The following EYS variants were observed in gnomAD, a reference collection of about 807,000 sequenced individuals.
EYS encodes the protein protein eyes shut homolog.
Under a neutral mutation model 282.1 loss-of-function variants are expected in EYS, and 250 were observed. That is an observed-to-expected ratio of 0.89 (90% confidence interval 0.80 to 0.98). The LOEUF (loss-of-function observed/expected upper bound fraction) is 0.98, where lower values mean the gene tolerates loss of function less well. Among genes scored for constraint, EYS ranks in the 50% least tolerant of loss-of-function variants. The probability of loss-of-function intolerance (pLI) is 0.00; values close to 1 mark genes in which losing one functional copy is unlikely to be tolerated. For synonymous variants in EYS, 1,355 were observed against 1,282.9 expected, an observed-to-expected ratio of 1.06 and a Z score of -1.20; for missense variants, 4,016 against 3,709.0, an observed-to-expected ratio of 1.08 and a Z score of -2.15.
At chr6:64,766,491 G>T (rs1373140856) in intron 22 of EYS, among the ~76,000 whole-genome samples, 4 of 147,806 alleles carry the variant, frequency 2.7e-5, no homozygotes, top group Non-Finnish European at 6.0e-5. Context: ...AATTAGATGG[G>T]CATGGTTGTG....
intron 30 of EYS, among the ~76,000 whole-genome samples, chr6:64,280,325 A>T (rs2150361286): frequency 6.6e-6 from 1 of 152,304 alleles, no homozygotes; most frequent in Non-Finnish European, 1.5e-5. Context: ...GACTGCAGGC[A>T]GGTGACTTAA....
intron 35 of EYS, among the ~76,000 whole-genome samples, chr6:63,965,576 C>T (rs765640121): frequency 6.6e-6 from 1 of 152,102 alleles, no homozygotes; most frequent in Non-Finnish European, 1.5e-5. Context: ...TGTAACAGGT[C>T]TGCATGAAAA....
At chr6:63,746,781 A>G (rs1257357013) in intron 41 of EYS, among the ~76,000 whole-genome samples, 3 of 151,972 alleles carry the variant, frequency 2.0e-5, no homozygotes, top group Non-Finnish European at 4.4e-5. Flanking sequence ...TATCCCCTTT[A>G]TCATTTTTTA....
chr6:64,304,103 C>T (rs1769347548), intron 30 of EYS, among the ~76,000 whole-genome samples: 1 of 152,100 alleles, frequency 6.6e-6, no homozygotes, highest in Non-Finnish European at 1.5e-5. Flanking sequence ...TTAATCTGCA[C>T]TAAATAAACG....
intron 22 of EYS, among the ~76,000 whole-genome samples, chr6:64,644,366 C>T (rs1768279489): frequency 1.3e-5 from 2 of 151,862 alleles, no homozygotes; most frequent in African/African-American, 4.8e-5. Context: ...TTTTTGTCAT[C>T]TTAGGATTTA....
chr6:64,058,386 T>G (rs1771055927), intron 33 of EYS, among the ~76,000 whole-genome samples: 1 of 152,184 alleles, frequency 6.6e-6, no homozygotes, highest in South Asian at 2.1e-4. Context: ...AGAATAGGCT[T>G]CAAAAAGTTT....
intron 12 of EYS, among the ~76,000 whole-genome samples, chr6:65,209,895 A>T (rs9453226): frequency 0.016 from 2,358 of 152,022 alleles, 45 homozygotes; most frequent in African/African-American, 0.049. Context: ...CCCAGGTGGG[A>T]AATAGGTTGA....
chr6:65,295,782 T>C, intron 12 of EYS, 81 bp downstream of exon 12: 1 of 1,162,384 alleles, frequency 8.6e-7, no homozygotes, highest in Non-Finnish European at 1.2e-6. Flanking sequence ...ACATTTGAGA[T>C]ATATTTGAGA....
intron 35 of EYS, among the ~76,000 whole-genome samples, chr6:63,938,250 C>G (rs964285048): frequency 3.9e-5 from 6 of 152,066 alleles, no homozygotes; most frequent in African/African-American, 1.4e-4. Flanking sequence ...TGATACAGAC[C>G]CAACCACAGT....
In EYS at chr6:63,789,135, T is replaced by C. The variant is rs1220416565; in HGVS notation, c.7501A>G (p.Arg2501Gly). 2.6e-6 allele frequency: 4 copies of C among 1,551,738 alleles called. No homozygotes were observed. The Admixed American group carries it at 7.8e-5, about 30-fold the overall frequency. ...AGGCTCAGATTGAGGGGCTCGCTCC[T>C]GATGCTTGCTATGCCAGACCCCAGG... is the stretch of plus-strand genomic sequence containing the variant. ...YNLGSGIASI[R>G]SEPLNLSLGV... Residue 2501 changes from arginine (R) to glycine (G), a missense_variant, in exon 38 of 43, where the codon AGG becomes GGG. Physicochemically the swap from Arg to Gly is moderately radical, Grantham distance 125. Transcript: ENST00000503581.
chr6:64,203,206 C>T (rs1765515238), intron 31 of EYS, among the ~76,000 whole-genome samples: 1 of 152,122 alleles, frequency 6.6e-6, no homozygotes, highest in Non-Finnish European at 1.5e-5. Context: ...GGTAGCAATC[C>T]ATGACTGGAA....
chr6:65,572,187 T>C (rs1350100735), intron 2 of EYS, among the ~76,000 whole-genome samples: 4 of 152,120 alleles, frequency 2.6e-5, no homozygotes, highest in Non-Finnish European at 4.4e-5. Flanking sequence ...TGGAAAATTA[T>C]AGACTCTTCA....
chr6:63,853,239 G>A (rs757248149), intron 36 of EYS, among the ~76,000 whole-genome samples: 47 of 152,060 alleles, frequency 3.1e-4, no homozygotes, highest in Admixed American at 1.4e-3. Context: ...AAACCCCATC[G>A]TCTCAGTCCA....
At chr6:64,303,746 C>A (rs559105893) in intron 30 of EYS, among the ~76,000 whole-genome samples, 2 of 146,262 alleles carry the variant, frequency 1.4e-5, no homozygotes, top group South Asian at 4.5e-4. Context: ...GAGGCTGAGG[C>A]AGGAGAATGG....
At chr6:64,870,427 C>CCA (rs760102240) in intron 19 of EYS, among the ~76,000 whole-genome samples, 1 of 112,052 alleles carries the variant, frequency 8.9e-6, no homozygotes, top group African/African-American at 3.3e-5. Flanking sequence ...CTCCCCCCTC[C>CCA]AAAAAAAAAA....
At chr6:63,999,445 C>T (rs1347741276) in intron 33 of EYS, among the ~76,000 whole-genome samples, 2 of 152,132 alleles carry the variant, frequency 1.3e-5, no homozygotes, top group Non-Finnish European at 2.9e-5. Flanking sequence ...AAACCTCCCA[C>T]AAAATAAAAA....
chr6:65,422,124 C>T (rs116464158), intron 5 of EYS, among the ~76,000 whole-genome samples: 1 of 151,814 alleles, frequency 6.6e-6, no homozygotes, highest in Non-Finnish European at 1.5e-5. Context: ...CAGCAAGGCA[C>T]AAGAAAACAA....
In EYS at chr6:64,211,448, T is replaced by C. The variant is rs1318933960; in HGVS notation, c.6424+19144A>G. On this transcript the variant is annotated intron_variant, in intron 31 of 42. Transcript: ENST00000503581. ...TCAATGGGTAAAATTAAATTTGCTC[T>C]CAGATTTTGACGTGTCAGTCACTCA... 2.0e-5 allele frequency among the ~76,000 whole-genome samples: 3 copies of C among 152,058 alleles called. No individual in the cohort carries two copies. In the South Asian group the frequency reaches 6.2e-4, roughly 32 times the overall value.
intron 41 of EYS, among the ~76,000 whole-genome samples, chr6:63,735,735 G>C (rs1228509729): frequency 6.6e-6 from 1 of 152,032 alleles, no homozygotes; most frequent in East Asian, 1.9e-4. Flanking sequence ...GTTCCAACAA[G>C]GTCTCTTTTT....
Sources: gnomAD v4.1 joint callset for allele counts (sites outside exome capture counted in the v4.1 genomes callset) on GRCh38, gnomAD v4.1.1 for gene constraint, MANE v1.5 for transcripts, NCBI Gene and HGNC (gene_info 2026-07-23, HGNC 2026-07-21) for gene names.